The following RPGRIP1L variants were observed in gnomAD, a reference collection of about 807,000 sequenced individuals.
RPGRIP1L encodes the protein protein fantom.
Under a neutral mutation model 160.4 loss-of-function variants are expected in RPGRIP1L, and 131 were observed. The ratio of observed to expected loss-of-function variants is 0.82; its 90% CI spans 0.71 to 0.94. The LOEUF is 0.94. RPGRIP1L is among the 40% of genes least tolerant of loss of function. The probability of loss-of-function intolerance (pLI) is 0.00; values close to 1 mark genes in which losing one functional copy is unlikely to be tolerated. For synonymous variants in RPGRIP1L, 510 were observed against 515.8 expected, an observed-to-expected ratio of 0.99 and a Z score of 0.15; for missense variants, 1,522 against 1,535.8, an observed-to-expected ratio of 0.99 and a Z score of 0.15.
At chr16:53,700,495 A>C (rs1395760108) in intron 2 of RPGRIP1L, 144 bp downstream of exon 2, 2 of 721,144 alleles carry the variant, frequency 2.8e-6, no homozygotes, top group Admixed American at 4.2e-5. Context: ...TATGTGTTCT[A>C]AACTCTCCAT....
intron 9 of RPGRIP1L, among the ~76,000 whole-genome samples, chr16:53,667,667 G>A (rs1402726180): frequency 6.6e-6 from 1 of 152,162 alleles, no homozygotes; most frequent in African/African-American, 2.4e-5. Flanking sequence ...GAGGTCAGGA[G>A]TTCGAGACCA....
chr16:53,628,669 T>G, intron 22 of RPGRIP1L: 1 of 152,078 alleles, frequency 6.6e-6, no homozygotes, highest in East Asian at 1.9e-4. Context: ...GGTAATAAGG[T>G]TTTTAACAAA....
At chr16:53,640,919 G>T in intron 19 of RPGRIP1L, 114 bp downstream of exon 19, 2 of 793,868 alleles carry the variant, frequency 2.5e-6, no homozygotes, top group East Asian at 2.7e-5. Flanking sequence ...AATGGGAAAA[G>T]ACATACTTTA....
At chr16:53,635,391 G>A (rs9931723) in intron 22 of RPGRIP1L, 2 of 152,122 alleles carry the variant, frequency 1.3e-5, no homozygotes, top group South Asian at 2.1e-4. Flanking sequence ...GAACAGAAAC[G>A]ATGGGTATCT....
chr16:53,691,712 T>C (rs1358000410), intron 4 of RPGRIP1L, among the ~76,000 whole-genome samples: 5 of 152,248 alleles, frequency 3.3e-5, no homozygotes, highest in Admixed American at 1.3e-4. Flanking sequence ...AACTTAAATG[T>C]GATCATTCAT....
chr16:53,636,699 A>T (rs1248358187), intron 21 of RPGRIP1L, among the ~76,000 whole-genome samples, 187 bp from the exon 22 acceptor site: 3 of 152,114 alleles, frequency 2.0e-5, no homozygotes, highest in Non-Finnish European at 4.4e-5. Flanking sequence ...AAAGACTAAA[A>T]ATTTCAAGGT....
chr16:53,620,663 A>G (rs1045903979), intron 23 of RPGRIP1L, among the ~76,000 whole-genome samples: 1 of 152,202 alleles, frequency 6.6e-6, no homozygotes. Context: ...TTTGAAAAGA[A>G]AGAGATGAAA....
chr16:53,665,944 T>A (rs1968213621), intron 9 of RPGRIP1L, among the ~76,000 whole-genome samples: 1 of 152,144 alleles, frequency 6.6e-6, no homozygotes, highest in African/African-American at 2.4e-5. Context: ...GAAAAACTGA[T>A]CTTGATCTGA....
At chr16:53,682,978 C>T (rs1489769425) in intron 6 of RPGRIP1L, among the ~76,000 whole-genome samples, 1 of 152,038 alleles carries the variant, frequency 6.6e-6, no homozygotes, top group African/African-American at 2.4e-5. Flanking sequence ...TAGGATTTCT[C>T]ATATAATTTA....
rs1029551079 is a variant in RPGRIP1L, at chr16:53,607,946, C to T, written c.3702-2332G>A. 4.0e-5 allele frequency: 39 copies of T among 983,196 alleles called. No individual in the cohort carries two copies. In the African/African-American group the frequency reaches 6.8e-4, roughly 17 times the overall value. The allele number at this position is 983,196 out of a possible 1,614,324, so 60.9% of individuals were successfully genotyped here. A position where few individuals can be genotyped will look rare whatever the true frequency, so the allele number is the denominator to read the frequency against. The stretch of plus-strand genomic sequence containing the variant: ...TTTCAACACTGCCAAAACAAAAAGG[C>T]CAACTTTGTCCCATGTCTGGAAGAA... On this transcript the variant is annotated intron_variant, in intron 25 of 26. Transcript: ENST00000647211.
intron 22 of RPGRIP1L, among the ~76,000 whole-genome samples, chr16:53,625,282 C>T (rs568083761): frequency 9.9e-5 from 15 of 151,662 alleles, no homozygotes; most frequent in South Asian, 4.2e-4. Context: ...AAGTGAGGAG[C>T]GTCTCTGCCA....
intron 22 of RPGRIP1L, among the ~76,000 whole-genome samples, chr16:53,630,431 C>T (rs1965448129): frequency 6.6e-6 from 1 of 152,008 alleles, no homozygotes; most frequent in Non-Finnish European, 1.5e-5. Flanking sequence ...TAGGAGAAAA[C>T]ATGAATTTTC....
intron 23 of RPGRIP1L, 97 bp from the exon 24 acceptor site, chr16:53,619,305 G>A (rs944376777): frequency 1.9e-5 from 20 of 1,069,568 alleles, no homozygotes; most frequent in South Asian, 2.6e-5. Context: ...AATAAAACAC[G>A]AAGGCCAATG....
intron 18 of RPGRIP1L, 55 bp from the exon 19 acceptor site, chr16:53,641,171 A>G (rs1054274244): frequency 6.5e-7 from 1 of 1,546,506 alleles, no homozygotes; most frequent in Non-Finnish European, 8.9e-7. Flanking sequence ...TAGATTTCAG[A>G]TAAGACTTTA....
intron 1 of RPGRIP1L, among the ~76,000 whole-genome samples, chr16:53,702,386 C>T (rs930591296): frequency 3.3e-5 from 5 of 152,122 alleles, no homozygotes; most frequent in Non-Finnish European, 7.3e-5. Context: ...GCTTAGGAGA[C>T]ATAATAATGA....
At chr16:53,628,119 T>TGG in intron 22 of RPGRIP1L, 1 of 113,116 alleles carries the variant, frequency 8.8e-6, no homozygotes, top group South Asian at 2.8e-4. Context: ...ATAAAAATAC[T>TGG]GTGTGTGTGT....
At chr16:53,611,625 G>T (rs961163509) in intron 24 of RPGRIP1L, among the ~76,000 whole-genome samples, 1 of 152,236 alleles carries the variant, frequency 6.6e-6, no homozygotes, top group African/African-American at 2.4e-5. Context: ...GGTTTTAAAG[G>T]CACATGCTGG....
At chr16:53,671,639 G>T in intron 8 of RPGRIP1L, 56 bp from the exon 9 acceptor site, 6 of 900,784 alleles carry the variant, frequency 6.7e-6, no homozygotes, top group Non-Finnish European at 6.8e-6. Context: ...CCACTTGGGG[G>T]TAAAAAAAAA....
chr16:53,648,103 C>CAAA (rs781122239), intron 16 of RPGRIP1L, among the ~76,000 whole-genome samples: 30 of 39,054 alleles, frequency 7.7e-4, no homozygotes, highest in East Asian at 1.4e-3. Flanking sequence ...GACTCCGTCT[C>CAAA]AAAAAAAAAA....
Sources: allele counts gnomAD v4.1 joint callset (sites outside exome capture counted in the v4.1 genomes callset), GRCh38; gene constraint gnomAD v4.1.1; transcripts MANE v1.5; gene names NCBI Gene and HGNC (gene_info 2026-07-23, HGNC 2026-07-21).